Variants in FGF14 observed in about 807,000 individuals in gnomAD.
The protein encoded by FGF14 is fibroblast growth factor homologous factor 4.
A neutral mutation model predicts 25.5 loss-of-function variants in FGF14; 5 were observed. The observed-to-expected ratio is 0.20, with a 90% confidence interval of 0.10 to 0.41. The LOEUF is 0.41. Ranked by LOEUF, FGF14 falls within the 10% of genes least tolerant of loss-of-function variation. The pLI is 1.00. For missense variants in FGF14, 222 were observed against 320.1 expected (o/e 0.69, Z 2.34); for synonymous variants, 138 against 118.3 (o/e 1.17, Z -1.08).
At chr13:101,841,431 G>C (rs78640012) in intron 3 of FGF14, among the ~76,000 whole-genome samples, 4,194 of 151,968 alleles carry the variant, frequency 0.028, 166 homozygotes, top group African/African-American at 0.094. Context: ...GAAACTTTGA[G>C]TTAGCCTAAG....
intron 1 of FGF14, among the ~76,000 whole-genome samples, chr13:101,907,328 T>A (rs2032369002): frequency 6.6e-6 from 1 of 152,134 alleles, no homozygotes; most frequent in East Asian, 1.9e-4. Flanking sequence ...GTATTAATAC[T>A]CTCAATTAGA....
chr13:102,017,234 C>A (rs1346089125), intron 1 of FGF14, among the ~76,000 whole-genome samples: 1 of 152,080 alleles, frequency 6.6e-6, no homozygotes, highest in Non-Finnish European at 1.5e-5. Context: ...GGGAGAAAAG[C>A]ATATTGTGTT....
chr13:101,845,097 A>G (rs1421205787), intron 3 of FGF14, among the ~76,000 whole-genome samples: 1 of 152,052 alleles, frequency 6.6e-6, no homozygotes, highest in Non-Finnish European at 1.5e-5. Context: ...TGCAAACGTC[A>G]GGTAATGTCA....
intron 1 of FGF14, among the ~76,000 whole-genome samples, chr13:102,020,588 G>A (rs2040589947): frequency 6.6e-6 from 1 of 151,810 alleles, no homozygotes; most frequent in South Asian, 2.1e-4. Flanking sequence ...AAACAAAAGA[G>A]AGAGAGAGAA....
At chr13:102,336,030 C>T (rs2056778469) in intron 1 of FGF14, among the ~76,000 whole-genome samples, 1 of 152,060 alleles carries the variant, frequency 6.6e-6, no homozygotes, top group Non-Finnish European at 1.5e-5. Context: ...CCCTGAAACA[C>T]AAGAATATTG....
chr13:102,154,159 CA>C (rs1467857782), intron 1 of FGF14, among the ~76,000 whole-genome samples: 1 of 152,034 alleles, frequency 6.6e-6, no homozygotes, highest in East Asian at 1.9e-4. Context: ...TCAGGAAATA[CA>C]GAGAATGCCA....
At chr13:102,190,119 T>A (rs761893374) in intron 1 of FGF14, among the ~76,000 whole-genome samples, 83 of 152,132 alleles carry the variant, frequency 5.5e-4, no homozygotes, top group Non-Finnish European at 1.0e-3. Flanking sequence ...GGATTTCACA[T>A]CCTCACACAA....
At chr13:101,981,110 C>CACAG (rs2038229295) in intron 1 of FGF14, among the ~76,000 whole-genome samples, 1 of 151,284 alleles carries the variant, frequency 6.6e-6, no homozygotes. Context: ...CACACACACA[C>CACAG]ACACACACAC....
chr13:102,264,535 T>C (rs1240354436), intron 1 of FGF14, among the ~76,000 whole-genome samples: 1 of 124,892 alleles, frequency 8.0e-6, no homozygotes, highest in Non-Finnish European at 1.6e-5. Flanking sequence ...CATTTGGTCC[T>C]ATACGATTTG....
intron 1 of FGF14, among the ~76,000 whole-genome samples, chr13:102,290,658 A>G (rs1241212628): frequency 6.6e-6 from 1 of 152,126 alleles, no homozygotes; most frequent in East Asian, 1.9e-4. Context: ...CCAATGTAGT[A>G]TTGTGTCCTT....
chr13:102,039,583 C>T (rs564586105), intron 1 of FGF14, among the ~76,000 whole-genome samples: 2 of 152,230 alleles, frequency 1.3e-5, no homozygotes, highest in African/African-American at 2.4e-5. Context: ...TCTGTCATCG[C>T]GTGCTATTCT....
At chr13:101,881,363 A>G (rs2045700863) in intron 1 of FGF14, among the ~76,000 whole-genome samples, 1 of 152,230 alleles carries the variant, frequency 6.6e-6, no homozygotes, top group Non-Finnish European at 1.5e-5. Context: ...CCAGAAATGG[A>G]CAATAAAATG....
chr13:102,365,243 C>A (rs2057676690), intron 1 of FGF14, among the ~76,000 whole-genome samples: 3 of 152,082 alleles, frequency 2.0e-5, no homozygotes, highest in Admixed American at 2.0e-4. Flanking sequence ...TCCACACACA[C>A]ACACAGCCTA....
chr13:102,206,939 T>A (rs932991096), intron 1 of FGF14, among the ~76,000 whole-genome samples: 1 of 152,082 alleles, frequency 6.6e-6, no homozygotes, highest in African/African-American at 2.4e-5. Flanking sequence ...ACTACCTAAA[T>A]GTCAATAATT....
intron 3 of FGF14, among the ~76,000 whole-genome samples, chr13:101,820,806 AAC>A (rs978335005): frequency 6.0e-5 from 5 of 83,818 alleles, no homozygotes; most frequent in Admixed American, 1.1e-4. Context: ...ACACACACAC[AAC>A]ACACACACAC....
intron 1 of FGF14, among the ~76,000 whole-genome samples, chr13:102,349,473 T>C (rs182622887): frequency 2.0e-5 from 3 of 152,324 alleles, no homozygotes; most frequent in South Asian, 2.1e-4. Flanking sequence ...CAAAAGAGAA[T>C]TGATGTCATG....
At chr13:102,310,651 T>TTCTCCC (rs2055684569) in intron 1 of FGF14, among the ~76,000 whole-genome samples, 1 of 45,782 alleles carries the variant, frequency 2.2e-5, no homozygotes, top group African/African-American at 9.9e-5. Flanking sequence ...CTCTTCCCGT[T>TTCTCCC]TCTCTCTCTC....
chr13:102,143,596 T>C (rs1484202029), intron 1 of FGF14, among the ~76,000 whole-genome samples: 1 of 152,198 alleles, frequency 6.6e-6, no homozygotes, highest in Non-Finnish European at 1.5e-5. Flanking sequence ...AATTGACCTA[T>C]TGAGTAGAAA....
intron 1 of FGF14, among the ~76,000 whole-genome samples, chr13:102,202,551 T>A (rs545350187): frequency 2.3e-4 from 35 of 152,330 alleles, no homozygotes; most frequent in African/African-American, 8.4e-4. Flanking sequence ...TTACGCCAGA[T>A]GATATCCTGC....
Sources: gnomAD v4.1 joint callset for allele counts (sites outside exome capture counted in the v4.1 genomes callset) on GRCh38, gnomAD v4.1.1 for gene constraint, MANE v1.5 for transcripts, NCBI Gene and HGNC (gene_info 2026-07-23, HGNC 2026-07-21) for gene names.